The following ADGRL2 variants were observed in gnomAD, a reference collection of about 807,000 sequenced individuals.
ADGRL2 encodes calcium-independent alpha-latrotoxin receptor 2.
A neutral mutation model predicts 157.4 loss-of-function variants in ADGRL2; 44 were observed. That is an observed-to-expected ratio of 0.28 (90% CI 0.22 to 0.36). The LOEUF (loss-of-function observed/expected upper bound fraction) is 0.36. ADGRL2 is among the 10% of genes least tolerant of loss of function. ADGRL2 has a pLI of 1.00. For missense variants in ADGRL2, 1,510 were observed against 1,768.9 expected (o/e 0.85, Z 2.63); for synonymous variants, 585 against 624.7 (o/e 0.94, Z 0.95).
At position 81,984,617 on chromosome 1, in the gene ADGRL2, C is replaced by T. The variant is rs1262524010; in HGVS notation, c.3317C>T (p.Ser1106Leu). The change falls in exon 20 of 24, where the codon TCA becomes TTA. Residue 1106 changes from serine (S) to leucine (L), a missense_variant. By Grantham distance (145) the Ser-to-Leu change is moderately radical. Transcript: ENST00000686636. ...RKEYGKCFRH[S>L]YCCGGLPTES... ...GAATATGGCAAGTGCTTCAGACACT[C>T]ATACTGCTGTGGAGGCCTCCCAACT... 5.0e-6 allele frequency: 8 copies of T among 1,612,248 alleles called. No homozygotes were observed. Among genetic ancestry groups the T allele is most frequent in the Non-Finnish European group, 5.9e-6 (7 of 1,178,844 alleles).
At chr1:81,307,718 A>G (rs1232403929) in intron 1 of ADGRL2, among the ~76,000 whole-genome samples, 1 of 152,196 alleles carries the variant, frequency 6.6e-6, no homozygotes, top group East Asian at 1.9e-4. Context: ...CATAAATCTT[A>G]CATTTCATCT....
At position 81,419,555 on chromosome 1, in the gene ADGRL2, G is replaced by A. The variant is rs576283413; in HGVS notation, c.-301-25481G>A. On this transcript the variant is annotated intron_variant, in intron 1 of 24. Transcript: ENST00000370721. ...ATAGTTGCCTAATTATAAATATTAT[G>A]CAAATAACTACTTATTTGCCAAATG... is the stretch of plus-strand genomic sequence containing the variant. 2.0e-3 allele frequency among the ~76,000 whole-genome samples: 301 copies of A among 152,196 alleles called. 1 individual carries two copies. The highest frequency in any genetic ancestry group is 6.8e-3 in the Middle Eastern group (2 of 294).
intron 2 of ADGRL2, among the ~76,000 whole-genome samples, chr1:81,774,061 G>A (rs753042210): frequency 5.9e-5 from 9 of 152,128 alleles, no homozygotes; most frequent in Non-Finnish European, 1.2e-4. Flanking sequence ...CCTTACTCTT[G>A]GACTTCTAGC....
chr1:81,328,373 A>G (rs1661040859), intron 1 of ADGRL2, among the ~76,000 whole-genome samples: 1 of 152,104 alleles, frequency 6.6e-6, no homozygotes, highest in Non-Finnish European at 1.5e-5. Context: ...CATACAGGAA[A>G]CATCGAATTG....
At chr1:81,552,078 T>C (rs1300596682) in intron 2 of ADGRL2, among the ~76,000 whole-genome samples, 6 of 152,166 alleles carry the variant, frequency 3.9e-5, no homozygotes, top group Non-Finnish European at 7.4e-5. Flanking sequence ...AATTGAACCC[T>C]CTCTGGCTCT....
chr1:81,496,069 T>C (rs748009452), intron 2 of ADGRL2, among the ~76,000 whole-genome samples: 18 of 152,276 alleles, frequency 1.2e-4, no homozygotes, highest in Non-Finnish European at 4.4e-5. Flanking sequence ...CAGGTCTTCA[T>C]ATTAAATAGA....
chr1:81,676,239 G>A (rs757401756), intron 3 of ADGRL2, among the ~76,000 whole-genome samples: 10 of 152,034 alleles, frequency 6.6e-5, no homozygotes, highest in Non-Finnish European at 1.5e-4. Flanking sequence ...TTGAACTCCT[G>A]ACCTCATGAT....
intron 2 of ADGRL2, among the ~76,000 whole-genome samples, chr1:81,498,078 C>T (rs1369540600): frequency 6.6e-6 from 1 of 152,042 alleles, no homozygotes; most frequent in Non-Finnish European, 1.5e-5. Context: ...AATGTAGGAA[C>T]CCTCATTATG....
intron 1 of ADGRL2, among the ~76,000 whole-genome samples, chr1:81,818,501 G>A (rs1571408752): frequency 6.6e-6 from 1 of 152,138 alleles, no homozygotes; most frequent in East Asian, 1.9e-4. Context: ...GCATTTGCTT[G>A]CATTGGTCTT....
chr1:81,865,830 A>T (rs868314312), intron 2 of ADGRL2, among the ~76,000 whole-genome samples: 1 of 152,238 alleles, frequency 6.6e-6, no homozygotes, highest in Non-Finnish European at 1.5e-5. Flanking sequence ...ACATTTAAAG[A>T]GAAAACAGTT....
chr1:81,344,251 G>A (rs1318290896), intron 1 of ADGRL2, among the ~76,000 whole-genome samples: 2 of 152,098 alleles, frequency 1.3e-5, no homozygotes, highest in East Asian at 1.9e-4. Flanking sequence ...TTCTATGATA[G>A]CACATTTGTA....
chr1:81,535,083 G>A (rs2079701423), intron 2 of ADGRL2, among the ~76,000 whole-genome samples: 1 of 152,098 alleles, frequency 6.6e-6, no homozygotes, highest in African/African-American at 2.4e-5. Context: ...TAAAATAGCT[G>A]CTACTGAGCT....
intron 2 of ADGRL2, among the ~76,000 whole-genome samples, chr1:81,458,483 A>G (rs2077853632): frequency 6.6e-6 from 1 of 152,162 alleles, no homozygotes; most frequent in Non-Finnish European, 1.5e-5. Flanking sequence ...CTATGGTGCC[A>G]CTTTCCCAGT....
chr1:81,713,406 A>G (rs2084003201), intron 1 of ADGRL2, among the ~76,000 whole-genome samples: 1 of 152,206 alleles, frequency 6.6e-6, no homozygotes, highest in East Asian at 1.9e-4. Flanking sequence ...CAGATGTGAC[A>G]TCAGCATGTA....
Position 81,434,910 on chromosome 1 carries a change from TC to T in ADGRL2, c.-301-10125del, listed in dbSNP as rs140342589. On this transcript the variant is annotated intron_variant, in intron 1 of 24. Coordinates refer to the ADGRL2 transcript ENST00000370721. ...TCTCTGAGTTGTAAAATCTGTGAAA[TC>T]AGGCAACAAGGCACACTGCAAGGGA... is the stretch of plus-strand genomic sequence containing the variant. Among the ~76,000 whole-genome samples the T allele has an allele frequency of 2.7e-3, 417 of 152,264 alleles. 1 individual carries two copies. Among genetic ancestry groups the T allele is most frequent in the Non-Finnish European group, 5.0e-3 (341 of 68,026 alleles).
intron 2 of ADGRL2, among the ~76,000 whole-genome samples, chr1:81,779,396 C>G (rs1228328944): frequency 6.6e-6 from 1 of 152,064 alleles, no homozygotes; most frequent in Non-Finnish European, 1.5e-5. Context: ...TTTGCTTTCT[C>G]TTTTTCATGA....
intron 1 of ADGRL2, among the ~76,000 whole-genome samples, chr1:81,326,051 T>C (rs1354961175): frequency 1.3e-5 from 2 of 152,206 alleles, no homozygotes; most frequent in Non-Finnish European, 2.9e-5. Context: ...TAGTGTGGAC[T>C]ATATAAATAT....
At chr1:81,582,206 T>C (rs1570564867) in intron 3 of ADGRL2, among the ~76,000 whole-genome samples, 1 of 152,024 alleles carries the variant, frequency 6.6e-6, no homozygotes, top group East Asian at 1.9e-4. Flanking sequence ...GGAGACAGAG[T>C]GAGACTCTGT....
intron 11 of ADGRL2, among the ~76,000 whole-genome samples, chr1:81,962,587 A>G (rs931009917): frequency 6.6e-6 from 1 of 152,128 alleles, no homozygotes; most frequent in Non-Finnish European, 1.5e-5. Context: ...TTTTCTCTAC[A>G]TTGAGTTTAT....
Sources: allele counts gnomAD v4.1 joint callset (sites outside exome capture counted in the v4.1 genomes callset), GRCh38; gene constraint gnomAD v4.1.1; transcripts MANE v1.5; gene names NCBI Gene and HGNC (gene_info 2026-07-23, HGNC 2026-07-21).